LMBR1: variants seen among roughly 807,000 people sequenced by gnomAD.
LMBR1 encodes the protein limb region 1 protein homolog.
LMBR1 carries 52 observed loss-of-function variants against 73.9 expected under a neutral mutation model. That is an observed-to-expected ratio of 0.70 (90% CI 0.56 to 0.89). The LOEUF (loss-of-function observed/expected upper bound fraction) is 0.89, where lower values mean the gene tolerates loss of function less well. LMBR1 is among the 40% of genes least tolerant of loss of function. The pLI is 0.00. For synonymous variants in LMBR1, 215 were observed against 209.4 expected (o/e 1.03, Z -0.23); for missense variants, 539 against 579.8 (o/e 0.93, Z 0.72).
At position 156,685,399 on chromosome 7, in the gene LMBR1, G is replaced by C. The variant is rs28493794; in HGVS notation, c.1388-1236C>G. Among the ~76,000 whole-genome samples, 1 of 152,170 alleles carries C rather than the reference G, an allele frequency of 6.6e-6. No individual in the cohort carries two copies. Among genetic ancestry groups the C allele is most frequent in the Admixed American group, 6.5e-5 (1 of 15,286 alleles). On this transcript the variant is annotated intron_variant, in intron 16 of 16. Transcript: ENST00000353442. This position sits in a 1 kb window ranked among gnomAD's most constrained non-coding sequence, Gnocchi z 4.1. Reference sequence around the variant, plus strand: ...CATTCTGAGAAATGCGCTGTCGAGCGATTCTGTCGCTGTGATGCCATCATA... The same window carrying C: ...CATTCTGAGAAATGCGCTGTCGAGCCATTCTGTCGCTGTGATGCCATCATA...
intron 4 of LMBR1, among the ~76,000 whole-genome samples, chr7:156,821,891 C>G (rs759935096): frequency 5.3e-5 from 8 of 152,210 alleles, no homozygotes; most frequent in Non-Finnish European, 7.3e-5. Flanking sequence ...GGCCTGGCTA[C>G]AGCCACTGCT....
At chr7:156,715,314 T>C (rs1812982157) in intron 15 of LMBR1, among the ~76,000 whole-genome samples, 1 of 151,984 alleles carries the variant, frequency 6.6e-6, no homozygotes, top group East Asian at 1.9e-4. Flanking sequence ...AAATAAACAG[T>C]TCAAGGGCTT....
chr7:156,815,061 C>A (rs1396094887), intron 4 of LMBR1, among the ~76,000 whole-genome samples: 1 of 148,140 alleles, frequency 6.8e-6, no homozygotes, highest in African/African-American at 2.5e-5. Flanking sequence ...GAGGCTGAGG[C>A]AGGAGAATCG....
chr7:156,849,348 G>T (rs1186520570), intron 1 of LMBR1, among the ~76,000 whole-genome samples: 1 of 152,074 alleles, frequency 6.6e-6, no homozygotes, highest in Non-Finnish European at 1.5e-5. Context: ...GAGACATCAG[G>T]GTCTACTTGA....
rs1326495720 is a variant in LMBR1 at position 156,679,442 on chromosome 7, A to AT, written c.*4635dup. Reference sequence around the variant, plus strand: ...GTTCTCTGACTCTACTGTGGAGTCCATATAGAACAACTGTGGATGACTTCA... The same window carrying AT: ...GTTCTCTGACTCTACTGTGGAGTCCATTATAGAACAACTGTGGATGACTTCA... On this transcript the variant is annotated 3_prime_UTR_variant, in exon 17 of 17. Transcript: ENST00000353442. The AT allele has an allele frequency of 6.6e-6, 1 of 152,244 alleles. No individual in the cohort carries two copies. Among genetic ancestry groups the AT allele is most frequent in the Non-Finnish European group, 1.5e-5 (1 of 68,050 alleles). The allele number at this position is 152,244 out of a possible 1,614,324, so 9.4% of individuals were successfully genotyped here. A position where few individuals can be genotyped will look rare whatever the true frequency, so the allele number is the denominator to read the frequency against.
chr7:156,812,042 T>G (rs77297371), intron 4 of LMBR1, among the ~76,000 whole-genome samples: 4,251 of 152,282 alleles, frequency 0.028, 203 homozygotes, highest in African/African-American at 0.097. Context: ...TACCAGTCTT[T>G]GGATTTGGGT....
intron 9 of LMBR1, among the ~76,000 whole-genome samples, chr7:156,734,545 C>T (rs143942901): frequency 3.4e-4 from 52 of 152,248 alleles, no homozygotes; most frequent in African/African-American, 1.2e-3. Context: ...TTGGGTACAA[C>T]GTATGCTACT....
intron 5 of LMBR1, among the ~76,000 whole-genome samples, chr7:156,794,835 G>A (rs1358837928): frequency 2.0e-5 from 3 of 152,100 alleles, no homozygotes; most frequent in Admixed American, 6.6e-5. Context: ...ACAGATCAGT[G>A]TTCTGCACTG....
intron 4 of LMBR1, among the ~76,000 whole-genome samples, chr7:156,809,135 A>G (rs966527245): frequency 6.6e-6 from 1 of 152,178 alleles, no homozygotes; most frequent in Non-Finnish European, 1.5e-5. Context: ...GAGTTAAGAT[A>G]TATTCCCTCG....
At chr7:156,810,375 T>A (rs973721865) in intron 4 of LMBR1, among the ~76,000 whole-genome samples, 9 of 152,052 alleles carry the variant, frequency 5.9e-5, no homozygotes, top group African/African-American at 2.2e-4. Context: ...TAGATCCACC[T>A]CCAACACTAG....
In LMBR1 at chr7:156,733,146, A is replaced by AAAAAC. The variant is rs559825892; in HGVS notation, c.838+1026_838+1030dup. Among the ~76,000 whole-genome samples, 267 of 152,304 alleles carry AAAAAC rather than the reference A, an allele frequency of 1.8e-3. 12 individuals are homozygous for AAAAAC. The South Asian group carries it at 0.052, about 30-fold the overall frequency. ...GGCGACAGAGTGAGACTCTGTCTTAAAAAACAAAACAAAACAAAACAAAAA... is the reference window on the plus strand; with the variant it reads ...GGCGACAGAGTGAGACTCTGTCTTAAAAAACAAAACAAAACAAAACAAAACAAAAA... On this transcript the variant is annotated intron_variant, in intron 10 of 16. Transcript: ENST00000353442.
chr7:156,692,332 C>T (rs1042824838), intron 15 of LMBR1, among the ~76,000 whole-genome samples: 6 of 152,208 alleles, frequency 3.9e-5, no homozygotes, highest in African/African-American at 1.4e-4. Context: ...CCTCCTGGAC[C>T]TCCCAAAGTG....
intron 15 of LMBR1, among the ~76,000 whole-genome samples, chr7:156,700,196 T>C (rs1414327864): frequency 6.6e-6 from 1 of 152,186 alleles, no homozygotes; most frequent in East Asian, 1.9e-4. Flanking sequence ...ATATACACCA[T>C]GGAATACTAT....
intron 1 of LMBR1, among the ~76,000 whole-genome samples, chr7:156,837,717 A>C (rs1264621240): frequency 6.6e-6 from 1 of 152,122 alleles, no homozygotes; most frequent in Admixed American, 6.5e-5. Context: ...TATACCCCAT[A>C]TCAAAATAAA....
At chr7:156,740,133 T>G (rs1212563691) in intron 9 of LMBR1, among the ~76,000 whole-genome samples, 4 of 152,026 alleles carry the variant, frequency 2.6e-5, no homozygotes, top group Non-Finnish European at 4.4e-5. Flanking sequence ...AGTCTCTTAA[T>G]AGCAGAACTG....
At chr7:156,829,882 T>TA (rs1464623606) in intron 3 of LMBR1, among the ~76,000 whole-genome samples, 2 of 152,222 alleles carry the variant, frequency 1.3e-5, no homozygotes, top group Non-Finnish European at 2.9e-5. Flanking sequence ...ATCCTCCCTC[T>TA]AGCTGCTGAC....
chr7:156,715,305 A>T (rs1812979197), intron 15 of LMBR1, among the ~76,000 whole-genome samples: 1 of 152,124 alleles, frequency 6.6e-6, no homozygotes, highest in African/African-American at 2.4e-5. Context: ...ACTATTTAAA[A>T]ATAAACAGTT....
At chr7:156,858,037 T>C (rs1356880864) in intron 1 of LMBR1, among the ~76,000 whole-genome samples, 1 of 35,144 alleles carries the variant, frequency 2.8e-5, no homozygotes, top group South Asian at 5.7e-4. Flanking sequence ...CTTAGGAAAC[T>C]AGAAAAAAAA....
At chr7:156,811,878 T>C (rs1254798182) in intron 4 of LMBR1, among the ~76,000 whole-genome samples, 1 of 152,150 alleles carries the variant, frequency 6.6e-6, no homozygotes, top group African/African-American at 2.4e-5. Context: ...TTCCAAAGTC[T>C]CCAGGGAAGA....
Sources: gnomAD v4.1 joint callset for allele counts (sites outside exome capture counted in the v4.1 genomes callset) on GRCh38, gnomAD v4.1.1 for gene constraint, Gnocchi (gnomAD v3.1) non-coding constraint, MANE v1.5 for transcripts, NCBI Gene and HGNC (gene_info 2026-07-23, HGNC 2026-07-21) for gene names.